CCDC30: variants seen among roughly 807,000 people sequenced by gnomAD.
CCDC30 encodes coiled-coil domain-containing protein 30.
CCDC30 carries 70 observed loss-of-function variants against 100.2 expected under a neutral mutation model. The observed-to-expected ratio is 0.70, with a 90% confidence interval of 0.58 to 0.85. CCDC30 has a LOEUF of 0.85. CCDC30 is among the 40% of genes least tolerant of loss of function. The pLI is 0.00. For missense variants in CCDC30, 652 were observed against 771.2 expected, an observed-to-expected ratio of 0.85 and a Z score of 1.83; for synonymous variants, 233 against 269.5, an observed-to-expected ratio of 0.86 and a Z score of 1.33.
At chr1:42,593,835 T>C (rs747675544) in intron 10 of CCDC30, 2 of 152,230 alleles carry the variant, frequency 1.3e-5, no homozygotes, top group African/African-American at 2.4e-5. Flanking sequence ...TTCCAAATTG[T>C]GTGCAAGTTC....
chr1:42,500,568 C>T (rs964554550), intron 6 of CCDC30, among the ~76,000 whole-genome samples: 8 of 152,080 alleles, frequency 5.3e-5, no homozygotes, highest in African/African-American at 1.9e-4. Context: ...CACCCGCCAC[C>T]ACGCCCGGCT....
intron 1 of CCDC30, 25 bp from the exon 2 acceptor site, chr1:42,480,436 T>C (rs2148453890): frequency 6.4e-6 from 1 of 156,136 alleles, no homozygotes; most frequent in Non-Finnish European, 1.4e-5. Flanking sequence ...GATTTAAACA[T>C]TTTCTCTTTC....
rs755762452 is a variant in CCDC30 at position 42,653,832 on chromosome 1, GT to G, written c.1940del (p.Leu647TrpfsTer2). On this transcript the variant is annotated frameshift_variant, in exon 17 of 17. Transcript: ENST00000668663. LOFTEE classifies it low-confidence loss of function (END_TRUNC). ...GCATTTCTTAGTTTTTCAGGAAAAG[GT>G]TTGGTAGAGTCATTTGCAAGTCTTC... is the stretch of plus-strand genomic sequence containing the variant. 1.2e-6 allele frequency: 2 copies of G among 1,613,876 alleles called. No homozygotes were observed. The highest frequency in any genetic ancestry group is 1.7e-6 in the Non-Finnish European group (2 of 1,179,846).
chr1:42,637,464 T>C, intron 12 of CCDC30, 86 bp downstream of exon 16: 2 of 1,228,022 alleles, frequency 1.6e-6, no homozygotes, highest in Non-Finnish European at 1.2e-6. Flanking sequence ...TAAAAATTAT[T>C]TGAGACCCCT....
intron 4 of CCDC30, among the ~76,000 whole-genome samples, chr1:42,495,822 A>G (rs997365824): frequency 3.3e-5 from 5 of 152,272 alleles, no homozygotes; most frequent in Admixed American, 2.0e-4. Context: ...CTAAATTTAC[A>G]TAATTTCTTC....
At chr1:42,616,207 T>C (rs1646724827) in intron 11 of CCDC30, among the ~76,000 whole-genome samples, 1 of 152,232 alleles carries the variant, frequency 6.6e-6, no homozygotes. Flanking sequence ...TGAGCCACTG[T>C]GCCTGGCCTA....
chr1:42,546,296 A>G (rs1334387660), intron 6 of CCDC30, among the ~76,000 whole-genome samples: 1 of 150,152 alleles, frequency 6.7e-6, no homozygotes, highest in East Asian at 2.0e-4. Flanking sequence ...GAGGCAGGAG[A>G]ATCACTTGAA....
chr1:42,567,604 A>G (rs1238641840), intron 7 of CCDC30, among the ~76,000 whole-genome samples: 1 of 152,158 alleles, frequency 6.6e-6, no homozygotes, highest in Non-Finnish European at 1.5e-5. Context: ...ACCCTTCATG[A>G]GTTTTTGAAG....
chr1:42,635,409 G>C (rs1219978582), intron 11 of CCDC30, among the ~76,000 whole-genome samples: 1 of 152,100 alleles, frequency 6.6e-6, no homozygotes, highest in East Asian at 1.9e-4. Flanking sequence ...TCCACCTTTT[G>C]GCTGTTATGG....
At chr1:42,522,014 A>G (rs530320306) in intron 6 of CCDC30, among the ~76,000 whole-genome samples, 3 of 152,214 alleles carry the variant, frequency 2.0e-5, no homozygotes, top group Admixed American at 2.0e-4. Context: ...CCTCACAGAT[A>G]CAAAATTTTC....
intron 10 of CCDC30, chr1:42,593,175 A>T (rs1204013464): frequency 6.6e-6 from 1 of 152,212 alleles, no homozygotes; most frequent in East Asian, 1.9e-4. Flanking sequence ...GCCAATTGCA[A>T]GTCCAGGTTT....
chr1:42,548,650 G>A (rs1645190436), intron 6 of CCDC30, among the ~76,000 whole-genome samples: 2 of 152,150 alleles, frequency 1.3e-5, no homozygotes, highest in Non-Finnish European at 2.9e-5. Context: ...GACAACTCAT[G>A]ACATGGTCAT....
At chr1:42,575,176 A>G (rs1377338559) in intron 7 of CCDC30, among the ~76,000 whole-genome samples, 1 of 152,220 alleles carries the variant, frequency 6.6e-6, no homozygotes, top group Non-Finnish European at 1.5e-5. Flanking sequence ...TCTATTTACC[A>G]TTAAAACAAA....
chr1:42,641,939 A>G (rs1441552789), intron 12 of CCDC30, among the ~76,000 whole-genome samples: 2 of 152,126 alleles, frequency 1.3e-5, no homozygotes, highest in Non-Finnish European at 2.9e-5. Flanking sequence ...AAAATACATG[A>G]CATGGGCTGG....
chr1:42,549,231 A>C (rs926765270), intron 6 of CCDC30, among the ~76,000 whole-genome samples: 9 of 152,204 alleles, frequency 5.9e-5, no homozygotes, highest in Non-Finnish European at 1.2e-4. Flanking sequence ...GGTTTTGTGT[A>C]AGATTTTTAA....
chr1:42,570,498 A>C (rs1387695180), intron 7 of CCDC30, among the ~76,000 whole-genome samples: 1 of 152,168 alleles, frequency 6.6e-6, no homozygotes, highest in Non-Finnish European at 1.5e-5. Context: ...ACAACTAAAC[A>C]CTACCCAGGA....
At chr1:42,502,545 T>G (rs970641138) in intron 6 of CCDC30, among the ~76,000 whole-genome samples, 1 of 152,222 alleles carries the variant, frequency 6.6e-6, no homozygotes, top group African/African-American at 2.4e-5. Flanking sequence ...TCACCCATCT[T>G]CTGCGTCGCT....
intron 1 of CCDC30, chr1:42,468,600 C>A (rs1643666168): frequency 6.6e-6 from 1 of 152,234 alleles, no homozygotes; most frequent in Admixed American, 6.5e-5. Context: ...CAGTCTCTGC[C>A]ACACTCACCT....
chr1:42,642,100 C>T (rs893024633), intron 12 of CCDC30, among the ~76,000 whole-genome samples: 2 of 151,932 alleles, frequency 1.3e-5, no homozygotes, highest in Admixed American at 6.6e-5. Flanking sequence ...GTGGTGGGCA[C>T]CTGTAGTCCC....
Sources: allele counts gnomAD v4.1 joint callset (sites outside exome capture counted in the v4.1 genomes callset), GRCh38; gene constraint gnomAD v4.1.1; transcripts MANE v1.5; gene names NCBI Gene and HGNC (gene_info 2026-07-23, HGNC 2026-07-21).